The following FTO variants were observed in gnomAD, a reference collection of about 807,000 sequenced individuals.
FTO encodes FTO alpha-ketoglutarate dependent dioxygenase.
In FTO, 47 loss-of-function variants were observed where a neutral mutation model predicts 63.9. The ratio of observed to expected loss-of-function variants is 0.74; its 90% CI spans 0.58 to 0.94. FTO has a LOEUF of 0.94. Ranked by LOEUF, FTO falls within the 40% of genes least tolerant of loss-of-function variation. The pLI is 0.00. For synonymous variants in FTO, 207 were observed against 224.4 expected (o/e 0.92, Z 0.69); for missense variants, 562 against 618.1 (o/e 0.91, Z 0.96).
At chr16:54,002,976 C>G (rs1305933467) in intron 8 of FTO, among the ~76,000 whole-genome samples, 1 of 152,212 alleles carries the variant, frequency 6.6e-6, no homozygotes, top group Non-Finnish European at 1.5e-5. Flanking sequence ...TGTGGGAAGC[C>G]AGCTTTCCTA....
At chr16:53,713,522 A>T (rs895401011) in intron 1 of FTO, among the ~76,000 whole-genome samples, 10 of 152,104 alleles carry the variant, frequency 6.6e-5, no homozygotes, top group African/African-American at 2.4e-4. Context: ...AAATTGTCTC[A>T]CTGGTTGATT....
intron 7 of FTO, among the ~76,000 whole-genome samples, chr16:53,895,921 C>T (rs557987540): frequency 1.3e-5 from 2 of 152,266 alleles, no homozygotes; most frequent in South Asian, 4.2e-4. Flanking sequence ...GAGTAAACAG[C>T]CAGGGTTTGT....
chr16:53,941,800 T>C (rs1277276947), intron 8 of FTO, among the ~76,000 whole-genome samples: 1 of 152,142 alleles, frequency 6.6e-6, no homozygotes, highest in Non-Finnish European at 1.5e-5. Flanking sequence ...AGTGAGCCGA[T>C]TGCATCACTA....
chr16:53,795,642 AT>A (rs1407785517), intron 1 of FTO, among the ~76,000 whole-genome samples: 2 of 152,140 alleles, frequency 1.3e-5, no homozygotes, highest in African/African-American at 4.8e-5. Context: ...AGAATTGAGA[AT>A]TTTCCTATTT....
rs1173193200 is a variant in FTO at position 54,057,630 on chromosome 16, A to AT, written c.1365-54120dup. ...GGGCACGGGCCACCACGCCTGGCTA[A>AT]TTTTTTTTTTTTCTGTATTTTTGGT... is the stretch of plus-strand genomic sequence containing the variant. On this transcript the variant is annotated intron_variant, in intron 8 of 8. Transcript: ENST00000471389. Among the ~76,000 whole-genome samples, 1,227 of 145,892 alleles carry AT rather than the reference A, an allele frequency of 8.4e-3. 14 individuals are homozygous for AT. The highest frequency in any genetic ancestry group is 0.023 in the African/African-American group (937 of 40,054).
intron 4 of FTO, among the ~76,000 whole-genome samples, chr16:53,862,682 C>T (rs1012650229): frequency 1.3e-5 from 2 of 151,602 alleles, no homozygotes; most frequent in African/African-American, 4.8e-5. Context: ...ATTACAGGCG[C>T]CTGCCACCAC....
chr16:53,988,809 A>G (rs1461130381), intron 8 of FTO, among the ~76,000 whole-genome samples: 1 of 152,190 alleles, frequency 6.6e-6, no homozygotes, highest in African/African-American at 2.4e-5. Flanking sequence ...ATTATGCCTC[A>G]TCATACCTCA....
chr16:54,003,649 C>T (rs1179950293), intron 8 of FTO, among the ~76,000 whole-genome samples: 2 of 152,272 alleles, frequency 1.3e-5, no homozygotes, highest in Admixed American at 6.5e-5. Flanking sequence ...AGCCACTGTG[C>T]CCAACCTCCC....
intron 8 of FTO, among the ~76,000 whole-genome samples, chr16:54,074,039 G>A (rs1386272272): frequency 6.6e-6 from 1 of 151,934 alleles, no homozygotes; most frequent in East Asian, 1.9e-4. Flanking sequence ...ACAATAAACT[G>A]TTTTATCAGG....
intron 2 of FTO, among the ~76,000 whole-genome samples, chr16:53,818,360 A>C (rs973761297): frequency 6.6e-6 from 1 of 152,136 alleles, no homozygotes; most frequent in Non-Finnish European, 1.5e-5. Flanking sequence ...TGGTAGACTG[A>C]AAATTCCTCA....
chr16:53,870,495 A>G lies in FTO; in HGVS notation c.896-3291A>G, dbSNP rs150156620. On this transcript the variant is annotated intron_variant, in intron 4 of 8. Coordinates refer to ENST00000471389, the MANE Select transcript of FTO (RefSeq NM_001080432.3). ...TCTGCTTCTTGTTTTTTACTCTGAT[A>G]AATTGTCATCTCTGTTTCCAGTGTG... Among the ~76,000 whole-genome samples, 11 of 152,316 alleles carry G rather than the reference A, an allele frequency of 7.2e-5. No individual in the cohort carries two copies. In the East Asian group the frequency reaches 2.1e-3, roughly 29 times the overall value.
intron 2 of FTO, among the ~76,000 whole-genome samples, chr16:53,816,210 T>G (rs1170180485): frequency 6.6e-6 from 1 of 152,248 alleles, no homozygotes; most frequent in Admixed American, 6.5e-5. Context: ...CTAAAATGTA[T>G]GAAAAATCTG....
At chr16:53,856,337 T>G (rs1193421168) in intron 4 of FTO, among the ~76,000 whole-genome samples, 1 of 150,884 alleles carries the variant, frequency 6.6e-6, no homozygotes, top group East Asian at 2.0e-4. Flanking sequence ...GACTTTGTAA[T>G]CTAAGCCCAA....
At chr16:53,722,451 T>G (rs1001006657) in intron 1 of FTO, among the ~76,000 whole-genome samples, 14 of 151,182 alleles carry the variant, frequency 9.3e-5, no homozygotes, top group African/African-American at 3.4e-4. Flanking sequence ...TTGTTTTTTG[T>G]TTTTTTTTAC....
chr16:53,899,361 GA>G (rs1462481319), intron 7 of FTO, among the ~76,000 whole-genome samples: 10 of 151,908 alleles, frequency 6.6e-5, no homozygotes, highest in Non-Finnish European at 4.4e-5. Flanking sequence ...CCCTCTTCTG[GA>G]AAAACTTAGT....
intron 8 of FTO, among the ~76,000 whole-genome samples, chr16:53,984,682 G>A (rs1294895063): frequency 6.6e-6 from 1 of 152,102 alleles, no homozygotes; most frequent in Non-Finnish European, 1.5e-5. Flanking sequence ...GCCTTTCCCA[G>A]AGCCCCTAAA....
chr16:54,010,234 C>A (rs1424177825), intron 8 of FTO, among the ~76,000 whole-genome samples: 2 of 152,046 alleles, frequency 1.3e-5, no homozygotes, highest in Admixed American at 6.5e-5. Context: ...GGCAACATAG[C>A]AAGACCTCAT....
chr16:53,961,248 C>T (rs1254344239), intron 8 of FTO, among the ~76,000 whole-genome samples: 5 of 151,970 alleles, frequency 3.3e-5, no homozygotes, highest in East Asian at 3.9e-4. Flanking sequence ...AGAGTTATAG[C>T]GAGCAGACCA....
intron 1 of FTO, among the ~76,000 whole-genome samples, chr16:53,778,655 G>A (rs996822935): frequency 2.0e-5 from 3 of 152,070 alleles, no homozygotes; most frequent in Non-Finnish European, 4.4e-5. Context: ...TATCTTGAAG[G>A]CCAATTTCCT....
Sources: allele counts gnomAD v4.1 joint callset (sites outside exome capture counted in the v4.1 genomes callset), GRCh38; gene constraint gnomAD v4.1.1; transcripts MANE v1.5; gene names NCBI Gene and HGNC (gene_info 2026-07-23, HGNC 2026-07-21).